Variants in TM9SF4 observed in about 807,000 individuals in gnomAD.
TM9SF4 encodes the protein transmembrane 9 superfamily member 4, also known as dinucleotide oxidase disulfide thiol exchanger 3 superfamily member 4.
A neutral mutation model predicts 90.4 loss-of-function variants in TM9SF4; 26 were observed. The ratio of observed to expected loss-of-function variants is 0.29; its 90% CI spans 0.21 to 0.40. TM9SF4 has a LOEUF of 0.40. TM9SF4 is among the 10% of genes least tolerant of loss of function. The pLI is 1.00. For synonymous variants in TM9SF4, 293 were observed against 315.4 expected, an observed-to-expected ratio of 0.93 and a Z score of 0.75; for missense variants, 549 against 834.8, an observed-to-expected ratio of 0.66 and a Z score of 4.22.
chr20:32,139,345 A>G (rs2046638137), intron 3 of TM9SF4, among the ~76,000 whole-genome samples: 1 of 152,002 alleles, frequency 6.6e-6, no homozygotes. Context: ...TGTTCTTCCT[A>G]TTTTCCCACC....
At chr20:32,143,973 T>G (rs2046721713) in intron 6 of TM9SF4, among the ~76,000 whole-genome samples, 2 of 151,852 alleles carry the variant, frequency 1.3e-5, no homozygotes, top group Admixed American at 6.6e-5. Context: ...CAAGACAGAG[T>G]CTTGCTCTGT....
intron 13 of TM9SF4, among the ~76,000 whole-genome samples, chr20:32,156,483 T>G (rs1341631123): frequency 6.6e-6 from 1 of 152,238 alleles, no homozygotes; most frequent in Non-Finnish European, 1.5e-5. Context: ...AGTGGCATAG[T>G]GTTTACGTAC....
Position 32,109,739 on chromosome 20 carries a change from A to AGATGGC in TM9SF4, c.2_7dup, listed in dbSNP as rs911881520. The AGATGGC allele has an allele frequency of 4.5e-6, 7 of 1,551,514 alleles. No homozygotes were observed. The African/African-American group carries it at 9.6e-5, about 21-fold the overall frequency. On this transcript the variant is annotated 5_prime_UTR_variant, in exon 1 of 18. The change creates a new upstream start codon in the 5' untranslated region. Transcript: ENST00000398022. ...GTCATTACGGCGACACGTGGATCCA[A>AGATGGC]GATGGCGACGGCGATGGTGAGTGAA...
rs2047085971 is a variant in TM9SF4, at chr20:32,165,438, A to T, written c.1923A>T (p.Ile641=). The part of the protein sequence containing the change: ...FVRKIYAAVK[I]D ...GCAAGATCTATGCTGCTGTGAAGAT[A>T]GACTGATTGGAGTGGACCACGGCCA... The change falls in exon 18 of 18, where the codon ATA becomes ATT. Residue 641 remains isoleucine, a synonymous_variant. Coordinates refer to ENST00000398022, the MANE Select transcript of TM9SF4 (RefSeq NM_014742.4). 4 of 1,614,180 alleles carry T rather than the reference A, an allele frequency of 2.5e-6. No homozygotes were observed. The highest frequency in any genetic ancestry group is 3.4e-6 in the Non-Finnish European group (4 of 1,180,030).
rs886652977 is a variant in TM9SF4, at chr20:32,141,906, T to C, written c.528+11T>C. 6.2e-7 allele frequency: 1 copy of C among 1,613,654 alleles called. No individual in the cohort carries two copies. ...ACAGATGTCAACAAGGTAGAGTGTC[T>C]TTGGCGTGCTCACAGGACCGGGAGC... On this transcript the variant is annotated intron_variant, in intron 5 of 17. Coordinates refer to ENST00000398022, the MANE Select transcript of TM9SF4 (RefSeq NM_014742.4).
In TM9SF4 at chr20:32,141,787, G is replaced by A; in HGVS notation, c.420G>A (p.Val140=). 1.2e-6 allele frequency: 2 copies of A among 1,614,136 alleles called. No individual in the cohort carries two copies. The highest frequency in any genetic ancestry group is 1.1e-5 in the South Asian group (1 of 91,080). ...YVHLIADNLP[V]ATRLELYSNR... ...CCAGCATTGCTGACAACCTGCCTGT[G>A]GCCACCCGGCTGGAGCTCTACTCCA... Residue 140 remains valine, a synonymous_variant, in exon 5 of 18, where the codon GTG becomes GTA. Transcript: ENST00000398022.
At position 32,136,245 on chromosome 20, in the gene TM9SF4, A is replaced by C. The variant is rs554311541; in HGVS notation, c.229+72A>C. On this transcript the variant is annotated intron_variant, in intron 3 of 17. Transcript: ENST00000398022. Reference sequence around the variant, plus strand: ...CCAGCATGATTTTTATAATGATAACAACAGTTAACTTTGCTATATTCTAGA... The same window carrying C: ...CCAGCATGATTTTTATAATGATAACCACAGTTAACTTTGCTATATTCTAGA... The C allele has an allele frequency of 8.6e-4, 1,221 of 1,423,536 alleles. 4 individuals carry two copies. In the African/African-American group the frequency reaches 0.016, roughly 18 times the overall value. The allele number at this position is 1,423,536 out of a possible 1,614,324, so 88.2% of individuals were successfully genotyped here. A position where few individuals can be genotyped will look rare whatever the true frequency, so the allele number is the denominator to read the frequency against.
chr20:32,160,232 G>T (rs2046995345), intron 16 of TM9SF4, 121 bp downstream of exon 16: 1 of 1,439,310 alleles, frequency 6.9e-7, no homozygotes, highest in Non-Finnish European at 9.5e-7. Flanking sequence ...TTCTGGCTCT[G>T]AGCTCTTGGG....
chr20:32,144,610 T>G (rs1013325826), intron 6 of TM9SF4, among the ~76,000 whole-genome samples: 1 of 152,040 alleles, frequency 6.6e-6, no homozygotes, highest in African/African-American at 2.4e-5. Context: ...TGAGGAATAA[T>G]TTTCAAAAAC....
At chr20:32,152,877 T>C (rs2046863308) in intron 12 of TM9SF4, among the ~76,000 whole-genome samples, 5 of 152,222 alleles carry the variant, frequency 3.3e-5, no homozygotes, top group Admixed American at 3.3e-4. Context: ...GGTGTGTTGT[T>C]CTCTACATAG....
At position 32,115,806 on chromosome 20, in the gene TM9SF4, G is replaced by GTTTTTTTTTTTTTTTTTTTT. The variant is rs1243268586; in HGVS notation, c.15+6051_15+6052insTTTTTTTTTTTTTTTTTTTT. Among the ~76,000 whole-genome samples, 3 of 106,306 alleles carry GTTTTTTTTTTTTTTTTTTTT rather than the reference G, an allele frequency of 2.8e-5. 1 individual carries two copies. The highest frequency in any genetic ancestry group is 3.7e-5 in the Non-Finnish European group (2 of 54,314). 69.7% of individuals were successfully genotyped at this position (106,306 alleles called of 152,430 possible). A position where few individuals can be genotyped will look rare whatever the true frequency, so the allele number is the denominator to read the frequency against. On this transcript the variant is annotated intron_variant, in intron 1 of 17. Coordinates refer to ENST00000398022, the MANE Select transcript of TM9SF4 (RefSeq NM_014742.4). ...GTAATAACAAAACCTACCACTTTAA[G>GTTTTTTTTTTTTTTTTTTTT]CTTTTTTTTTTTTTTTTTTTTTTTT...
At chr20:32,110,748 T>A (rs2122292123) in intron 1 of TM9SF4, among the ~76,000 whole-genome samples, 1 of 152,160 alleles carries the variant, frequency 6.6e-6, no homozygotes, top group African/African-American at 2.4e-5. Flanking sequence ...AAAATAGCCA[T>A]GCTTGGAAGT....
At chr20:32,164,803 A>G (rs2047076550) in intron 17 of TM9SF4, among the ~76,000 whole-genome samples, 1 of 152,186 alleles carries the variant, frequency 6.6e-6, no homozygotes, top group Non-Finnish European at 1.5e-5. Context: ...TACCCCAGTT[A>G]AAAAGGAGTC....
intron 1 of TM9SF4, among the ~76,000 whole-genome samples, chr20:32,117,232 A>G (rs1184370150): frequency 6.6e-6 from 1 of 151,366 alleles, no homozygotes; most frequent in East Asian, 1.9e-4. Flanking sequence ...TCAAAAAAAA[A>G]AAAAAAAAAA....
rs373468123 is a variant in TM9SF4, at chr20:32,130,580, C to T, written c.16-2433C>T. 9.8e-5 allele frequency among the ~76,000 whole-genome samples: 15 copies of T among 152,304 alleles called. No homozygotes were observed. The South Asian group carries it at 2.9e-3, about 29-fold the overall frequency. On this transcript the variant is annotated intron_variant, in intron 1 of 17. Transcript: ENST00000398022. ...TGCCTAGTCAGGTGGAGGAGGTCCT[C>T]TGACGCAGAGGAAATCAGATGCTGT... is the stretch of plus-strand genomic sequence containing the variant.
At chr20:32,164,651 G>T (rs1442807214) in intron 17 of TM9SF4, among the ~76,000 whole-genome samples, 1 of 152,148 alleles carries the variant, frequency 6.6e-6, no homozygotes, top group South Asian at 2.1e-4. Flanking sequence ...TGGGCTACTG[G>T]CATTCTGTGA....
intron 8 of TM9SF4, 114 bp from the exon 9 acceptor site, chr20:32,146,670 GA>G: frequency 5.1e-6 from 5 of 987,666 alleles, no homozygotes; most frequent in South Asian, 1.6e-5. Context: ...GTTCATAATG[GA>G]GCAAGCCGTG....
In TM9SF4 at chr20:32,137,047, C is replaced by T. The variant is rs139796470; in HGVS notation, c.229+874C>T. On this transcript the variant is annotated intron_variant, in intron 3 of 17. Coordinates refer to ENST00000398022, the MANE Select transcript of TM9SF4 (RefSeq NM_014742.4). ...GAGGCAGGCCTTGGAGCCAGTTTAA[C>T]CAAAATTGGGTAGGACCATCTCCCC... is the stretch of plus-strand genomic sequence containing the variant. 1.3e-4 allele frequency: 60 copies of T among 458,666 alleles called. 1 individual carries two copies. In the East Asian group the frequency reaches 3.7e-3, roughly 29 times the overall value. The allele number at this position is 458,666 out of a possible 1,614,324, so 28.4% of individuals were successfully genotyped here.
intron 13 of TM9SF4, among the ~76,000 whole-genome samples, chr20:32,156,700 G>A (rs1370235784): frequency 1.3e-5 from 2 of 151,424 alleles, no homozygotes; most frequent in Non-Finnish European, 1.5e-5. Context: ...TCTGCCTCCC[G>A]GGCTCAAGTG....
Sources: gnomAD v4.1 joint callset for allele counts (sites outside exome capture counted in the v4.1 genomes callset) on GRCh38, gnomAD v4.1.1 for gene constraint, MANE v1.5 for transcripts, NCBI Gene and HGNC (gene_info 2026-07-23, HGNC 2026-07-21) for gene names.